Variants in NHSL1 observed in about 807,000 individuals in gnomAD.
NHSL1 encodes NHS like 1.
NHSL1 carries 48 observed loss-of-function variants against 95.0 expected under a neutral mutation model. The observed-to-expected ratio is 0.51, with a 90% CI of 0.40 to 0.64. The LOEUF (loss-of-function observed/expected upper bound fraction) is 0.64, where lower values mean the gene tolerates loss of function less well. Ranked by LOEUF, NHSL1 falls within the 30% of genes least tolerant of loss-of-function variation. The pLI is 0.00. For missense variants in NHSL1, 1,971 were observed against 2,077.7 expected, an observed-to-expected ratio of 0.95 and a Z score of 1.00; for synonymous variants, 783 against 833.9, an observed-to-expected ratio of 0.94 and a Z score of 1.05.
At chr6:138,607,505 C>A (rs1036521739) in intron 1 of NHSL1, among the ~76,000 whole-genome samples, 2 of 152,120 alleles carry the variant, frequency 1.3e-5, no homozygotes, top group African/African-American at 2.4e-5. Flanking sequence ...TAAAACTGTG[C>A]GTGTTTTTAT....
intron 1 of NHSL1, among the ~76,000 whole-genome samples, chr6:138,590,140 G>C (rs1784202999): frequency 6.6e-6 from 1 of 152,166 alleles, no homozygotes; most frequent in African/African-American, 2.4e-5. Flanking sequence ...TGTGACTACA[G>C]GTGCCCATCA....
chr6:138,622,786 G>A (rs1026397800), intron 1 of NHSL1, among the ~76,000 whole-genome samples: 3 of 152,162 alleles, frequency 2.0e-5, no homozygotes, highest in East Asian at 1.9e-4. Flanking sequence ...CAGAGCCTAC[G>A]CTTGGTACAC....
intron 1 of NHSL1, among the ~76,000 whole-genome samples, chr6:138,517,096 T>C (rs1479010980): frequency 6.6e-6 from 1 of 152,180 alleles, no homozygotes; most frequent in Non-Finnish European, 1.5e-5. Flanking sequence ...TGCACAATGA[T>C]TTCCCCCATG....
intron 1 of NHSL1, among the ~76,000 whole-genome samples, chr6:138,618,505 A>T (rs1002803716): frequency 2.0e-5 from 3 of 152,246 alleles, no homozygotes; most frequent in Non-Finnish European, 4.4e-5. Flanking sequence ...TTTTCTGACT[A>T]GCTGTTTAGG....
intron 1 of NHSL1, among the ~76,000 whole-genome samples, chr6:138,615,176 T>C (rs898325849): frequency 2.6e-5 from 4 of 152,148 alleles, no homozygotes; most frequent in Non-Finnish European, 4.4e-5. Flanking sequence ...GTGCCATCCA[T>C]CCGTATTGTC....
chr6:138,591,932 G>C (rs1264847848), intron 1 of NHSL1, among the ~76,000 whole-genome samples: 1 of 152,112 alleles, frequency 6.6e-6, no homozygotes. Flanking sequence ...GGGTTCCATA[G>C]GATCCATGGT....
chr6:138,572,954 A>G (rs997103088), upstream of NHSL1, among the ~76,000 whole-genome samples: 2 of 152,202 alleles, frequency 1.3e-5, no homozygotes, highest in Non-Finnish European at 2.9e-5. Flanking sequence ...TCCAAAGAGA[A>G]TATAACGGAC....
chr6:138,571,005 C>T lies in NHSL1; in HGVS notation c.202+705G>A, dbSNP rs866599969. 1.1e-4 allele frequency among the ~76,000 whole-genome samples: 16 copies of T among 152,300 alleles called. No individual in the cohort carries two copies. In the Middle Eastern group the frequency reaches 0.01, roughly 97 times the overall value. ...AAAATAGGGGTGTGTTAAGAAATAT[C>T]GAACTGTTTCCCTCTCTCCCAGCAG... On this transcript the variant is annotated intron_variant, in intron 1 of 6. Transcript: ENST00000427025.
At chr6:138,612,109 CAAAAAAAAAA>C (rs368848438) in intron 1 of NHSL1, among the ~76,000 whole-genome samples, 2 of 73,488 alleles carry the variant, frequency 2.7e-5, no homozygotes, top group South Asian at 5.1e-4. Flanking sequence ...GACTCCATCT[CAAAAAAAAAA>C]AAAAAAAAAA....
Position 138,431,319 on chromosome 6 carries a change from G to A in NHSL1, c.3026C>T (p.Pro1009Leu), listed in dbSNP as rs777833834. Residue 1009 changes from proline (P) to leucine (L), a missense_variant, in exon 6 of 8, where the codon CCA becomes CTA. This residue lies in a region of NHSL1 where 1,602 missense variants were observed against 1,654.5 expected (regional missense o/e 0.97). Coordinates refer to ENST00000343505, the MANE Select transcript of NHSL1 (RefSeq NM_001144060.2). The surrounding 1 kb of genome is among the most constrained non-coding windows in gnomAD (Gnocchi z 4.0). Reference protein sequence around the residue: ...PILPDSPVSLPLPPPLLPSSE... With the variant: ...PILPDSPVSLLLPPPLLPSSE... ...GGAAGGTAAGAGAGGTGGGGGCAAT[G>A]GCAAGGACACAGGTGAATCTGGAAG... 1.5e-5 allele frequency: 23 copies of A among 1,514,174 alleles called. No homozygotes were observed. Among genetic ancestry groups the A allele is most frequent in the Non-Finnish European group, 1.8e-5 (20 of 1,127,648 alleles). The allele number at this position is 1,514,174 out of a possible 1,614,324, so 93.8% of individuals were successfully genotyped here.
rs1160405112 is a variant in NHSL1, at chr6:138,676,477, T to C, written c.96+15999A>G. ...ATCGGCTAATATTTATTGTTTATTA[T>C]AGAACAGGCACTGTTCTATATCTCA... On this transcript the variant is annotated intron_variant, in intron 1 of 3. Coordinates refer to the NHSL1 transcript ENST00000491526. 2.0e-5 allele frequency among the ~76,000 whole-genome samples: 3 copies of C among 152,222 alleles called. No homozygotes were observed. In the East Asian group the frequency reaches 5.8e-4, roughly 29 times the overall value.
At chr6:138,440,622 C>T (rs1776469202) in intron 5 of NHSL1, among the ~76,000 whole-genome samples, 1 of 151,788 alleles carries the variant, frequency 6.6e-6, no homozygotes, top group African/African-American at 2.4e-5. Context: ...GAAGGCAGAG[C>T]ATATATACTA....
chr6:138,674,134 A>G (rs918086898), intron 1 of NHSL1, among the ~76,000 whole-genome samples: 5 of 152,218 alleles, frequency 3.3e-5, no homozygotes, highest in Non-Finnish European at 7.4e-5. Flanking sequence ...AGCTAAGTAA[A>G]AAAAGCAACA....
upstream of NHSL1, among the ~76,000 whole-genome samples, chr6:138,576,331 AT>A (rs769484853): frequency 4.2e-4 from 64 of 152,306 alleles, no homozygotes; most frequent in Non-Finnish European, 6.8e-4. Context: ...TTTAAAAAAA[AT>A]AACTTCAGCT....
At chr6:138,628,571 A>G (rs1048179961) in intron 1 of NHSL1, among the ~76,000 whole-genome samples, 4 of 152,156 alleles carry the variant, frequency 2.6e-5, no homozygotes, top group African/African-American at 9.7e-5. Flanking sequence ...GAATTATTCA[A>G]TCATGTGACC....
intron 7 of NHSL1, among the ~76,000 whole-genome samples, chr6:138,428,220 A>C (rs1775390543): frequency 6.6e-6 from 1 of 152,234 alleles, no homozygotes; most frequent in South Asian, 2.1e-4. Context: ...ATAGACAGAT[A>C]TGCCTGTATA....
intron 1 of NHSL1, among the ~76,000 whole-genome samples, chr6:138,639,444 C>A (rs1454669859): frequency 2.6e-5 from 4 of 151,852 alleles, no homozygotes; most frequent in African/African-American, 9.7e-5. Flanking sequence ...CGAGACCATC[C>A]TGGCTAGCAC....
At chr6:138,535,047 A>C (rs1782280698) in intron 1 of NHSL1, among the ~76,000 whole-genome samples, 1 of 152,170 alleles carries the variant, frequency 6.6e-6, no homozygotes, top group African/African-American at 2.4e-5. Flanking sequence ...GAGTGAAATG[A>C]AGCTTTAAAG....
intron 3 of NHSL1, 136 bp from the exon 4 acceptor site, chr6:138,447,329 G>A (rs1394753718): frequency 1.5e-6 from 1 of 686,662 alleles, no homozygotes; most frequent in Non-Finnish European, 2.4e-6. Flanking sequence ...AGGAACAGAA[G>A]CAATGGTTTG....
Sources: gnomAD v4.1 joint callset for allele counts (sites outside exome capture counted in the v4.1 genomes callset) on GRCh38, gnomAD v4.1.1 for gene constraint, gnomAD v4.1.1 regional missense constraint, Gnocchi (gnomAD v3.1) non-coding constraint, MANE v1.5 for transcripts, NCBI Gene and HGNC (gene_info 2026-07-23, HGNC 2026-07-21) for gene names.